NALF1: variants seen among roughly 807,000 people sequenced by gnomAD.
NALF1 encodes the protein NALCN channel auxiliary factor 1, also known as family with sequence similarity 155 member A.
In NALF1, 3 loss-of-function variants were observed where a neutral mutation model predicts 48.4. The ratio of observed to expected loss-of-function variants is 0.06; its 90% CI spans 0.03 to 0.16. The LOEUF (loss-of-function observed/expected upper bound fraction) is 0.16, where lower values mean the gene tolerates loss of function less well. Among genes scored for constraint, NALF1 ranks in the 10% least tolerant of loss-of-function variants. The probability of loss-of-function intolerance (pLI) is 1.00; values close to 1 mark genes in which losing one functional copy is unlikely to be tolerated. For missense variants in NALF1, 526 were observed against 571.5 expected (o/e 0.92, Z 0.81); for synonymous variants, 262 against 245.7 (o/e 1.07, Z -0.62).
At chr13:107,353,020 C>A (rs1444698666) in intron 1 of NALF1, among the ~76,000 whole-genome samples, 2 of 152,086 alleles carry the variant, frequency 1.3e-5, no homozygotes, top group African/African-American at 4.8e-5. Flanking sequence ...AACTTACCTG[C>A]ATAACGAGAC....
chr13:107,521,711 G>A (rs768986606), intron 1 of NALF1, among the ~76,000 whole-genome samples: 4 of 152,064 alleles, frequency 2.6e-5, no homozygotes, highest in African/African-American at 7.2e-5. Flanking sequence ...TTAGTGGGTG[G>A]CTAGCCCAGT....
chr13:107,389,901 A>T (rs1883592906), intron 1 of NALF1, among the ~76,000 whole-genome samples: 1 of 152,196 alleles, frequency 6.6e-6, no homozygotes, highest in South Asian at 2.1e-4. Context: ...AAGAACTTAG[A>T]TTTAATAGCC....
intron 1 of NALF1, among the ~76,000 whole-genome samples, chr13:107,467,879 A>T (rs1412537340): frequency 6.6e-6 from 1 of 152,022 alleles, no homozygotes; most frequent in Non-Finnish European, 1.5e-5. Flanking sequence ...TCTCTACAAA[A>T]AAATAAATAA....
chr13:107,418,239 G>A (rs989866316), intron 1 of NALF1, among the ~76,000 whole-genome samples: 8 of 152,038 alleles, frequency 5.3e-5, no homozygotes. Context: ...TCTCTACAAG[G>A]GTTCCCAGCA....
intron 1 of NALF1, among the ~76,000 whole-genome samples, chr13:107,348,426 A>AT (rs961087523): frequency 8.7e-4 from 132 of 151,970 alleles, no homozygotes; most frequent in Admixed American, 3.3e-3. Flanking sequence ...GAAAATCTTA[A>AT]TTTTTTTTTA....
intron 1 of NALF1, among the ~76,000 whole-genome samples, chr13:107,677,427 G>C (rs910469431): frequency 2.0e-5 from 3 of 152,188 alleles, no homozygotes; most frequent in Non-Finnish European, 4.4e-5. Flanking sequence ...AATAAGGTTA[G>C]ACAGTTTTGT....
rs1411204247 is a variant in NALF1 at position 107,166,542 on chromosome 13, ATGTCTT to A, written c.*3949_*3954del. The stretch of plus-strand genomic sequence containing the variant: ...GCTTTGAGTAGCAGGAAAATTGTAA[ATGTCTT>A]TGTTACTGAGAAAGAATGTAAATCA... On this transcript the variant is annotated 3_prime_UTR_variant, in exon 3 of 3. Transcript: ENST00000375915. 1 of 152,188 alleles carries A rather than the reference ATGTCTT, an allele frequency of 6.6e-6. No homozygotes were observed. Among genetic ancestry groups the A allele is most frequent in the Non-Finnish European group, 1.5e-5 (1 of 68,034 alleles). The allele number at this position is 152,188 out of a possible 1,614,324, so 9.4% of individuals were successfully genotyped here. A position where few individuals can be genotyped will look rare whatever the true frequency, so the allele number is the denominator to read the frequency against.
chr13:107,738,928 C>A (rs1594237384), intron 1 of NALF1, among the ~76,000 whole-genome samples: 1 of 152,272 alleles, frequency 6.6e-6, no homozygotes, highest in Non-Finnish European at 1.5e-5. Context: ...TCCCAAAGTG[C>A]TGGGATTACA....
At chr13:107,375,289 C>T (rs554808336) in intron 1 of NALF1, among the ~76,000 whole-genome samples, 5 of 152,216 alleles carry the variant, frequency 3.3e-5, no homozygotes, top group African/African-American at 1.2e-4. Flanking sequence ...TAATCATATT[C>T]AATAAACATA....
At chr13:107,406,180 A>G (rs1883895134) in intron 1 of NALF1, among the ~76,000 whole-genome samples, 1 of 152,044 alleles carries the variant, frequency 6.6e-6, no homozygotes, top group Non-Finnish European at 1.5e-5. Flanking sequence ...GATTATTTAG[A>G]AAAAATTTTA....
chr13:107,546,799 A>G (rs1037772668), intron 1 of NALF1, among the ~76,000 whole-genome samples: 1 of 152,180 alleles, frequency 6.6e-6, no homozygotes, highest in Non-Finnish European at 1.5e-5. Context: ...TGTATACTGC[A>G]TTATACATCT....
At chr13:107,370,369 A>T (rs1377975721) in intron 1 of NALF1, among the ~76,000 whole-genome samples, 1 of 152,168 alleles carries the variant, frequency 6.6e-6, no homozygotes, top group Non-Finnish European at 1.5e-5. Flanking sequence ...TGGAGAGTAC[A>T]AACAGGCTCT....
At position 107,165,007 on chromosome 13, in the gene NALF1, A is replaced by T. The variant is rs1309964704; in HGVS notation, c.*5490T>A. ...TGTTGCCACGAAGTATTCTTCTTGC[A>T]TGAGGTGTCACGTACAAATACATCA... On this transcript the variant is annotated 3_prime_UTR_variant, in exon 3 of 3. Transcript: ENST00000375915. 1 of 152,206 alleles carries T rather than the reference A, an allele frequency of 6.6e-6. No homozygotes were observed. The highest frequency in any genetic ancestry group is 1.5e-5 in the Non-Finnish European group (1 of 68,040). 9.4% of individuals were successfully genotyped at this position (152,206 alleles called of 1,614,324 possible).
intron 1 of NALF1, among the ~76,000 whole-genome samples, chr13:107,388,030 G>A (rs1274049586): frequency 6.6e-6 from 1 of 152,160 alleles, no homozygotes; most frequent in Admixed American, 6.5e-5. Flanking sequence ...AATGTTTGTA[G>A]AATGTCAGTA....
chr13:107,489,176 A>G (rs1223698695), intron 1 of NALF1, among the ~76,000 whole-genome samples: 1 of 152,228 alleles, frequency 6.6e-6, no homozygotes, highest in Non-Finnish European at 1.5e-5. Flanking sequence ...TGGATAGAAG[A>G]ATCGATATCA....
intron 1 of NALF1, among the ~76,000 whole-genome samples, chr13:107,370,476 G>C (rs1349295120): frequency 2.0e-5 from 3 of 152,184 alleles, no homozygotes; most frequent in Non-Finnish European, 4.4e-5. Context: ...GCCAAAATCT[G>C]TCCTGGGTGG....
chr13:107,613,355 A>T (rs772686988), intron 1 of NALF1, among the ~76,000 whole-genome samples: 2 of 152,152 alleles, frequency 1.3e-5, no homozygotes, highest in Non-Finnish European at 2.9e-5. Context: ...CTCCGCAATA[A>T]CCCTGACTGG....
At chr13:107,582,598 T>C (rs1425553785) in intron 1 of NALF1, among the ~76,000 whole-genome samples, 2 of 152,168 alleles carry the variant, frequency 1.3e-5, no homozygotes, top group African/African-American at 2.4e-5. Flanking sequence ...TTAAAGAAGA[T>C]TGTTTCAACT....
intron 1 of NALF1, among the ~76,000 whole-genome samples, chr13:107,693,021 G>A (rs1397371072): frequency 1.3e-5 from 2 of 152,042 alleles, no homozygotes; most frequent in Non-Finnish European, 2.9e-5. Flanking sequence ...CTCAGTAATG[G>A]GATTGCTGGG....
Sources: gnomAD v4.1 joint callset for allele counts (sites outside exome capture counted in the v4.1 genomes callset) on GRCh38, gnomAD v4.1.1 for gene constraint, MANE v1.5 for transcripts, NCBI Gene and HGNC (gene_info 2026-07-23, HGNC 2026-07-21) for gene names.